THEMIS: variants seen among roughly 807,000 people sequenced by gnomAD.
THEMIS encodes thymocyte selection associated.
A neutral mutation model predicts 52.6 loss-of-function variants in THEMIS; 37 were observed. The ratio of observed to expected loss-of-function variants is 0.70; its 90% CI spans 0.54 to 0.93. THEMIS has a LOEUF of 0.93. THEMIS is among the 40% of genes least tolerant of loss of function. The probability of loss-of-function intolerance (pLI) is 0.00; values close to 1 mark genes in which losing one functional copy is unlikely to be tolerated. For missense variants in THEMIS, 808 were observed against 763.1 expected (o/e 1.06, Z -0.69); for synonymous variants, 292 against 272.7 (o/e 1.07, Z -0.70).
chr6:127,734,032 C>G (rs1381626078), intron 4 of THEMIS, among the ~76,000 whole-genome samples: 1 of 151,800 alleles, frequency 6.6e-6, no homozygotes, highest in Non-Finnish European at 1.5e-5. Context: ...CACTTGTGTC[C>G]GTAGGAATAC....
At chr6:127,918,157 C>G (rs1212385959) in intron 1 of THEMIS, among the ~76,000 whole-genome samples, 1 of 152,174 alleles carries the variant, frequency 6.6e-6, no homozygotes, top group East Asian at 1.9e-4. Context: ...ACACTGAAGG[C>G]TCCAAGGCAC....
downstream of THEMIS, among the ~76,000 whole-genome samples, chr6:127,705,480 G>T (rs1773787916): frequency 6.6e-6 from 1 of 152,086 alleles, no homozygotes; most frequent in South Asian, 2.1e-4. Context: ...ATGGTGTTTG[G>T]CCCTCTCCCT....
chr6:127,735,095 A>G (rs1427462333), intron 4 of THEMIS, among the ~76,000 whole-genome samples: 3 of 151,640 alleles, frequency 2.0e-5, no homozygotes, highest in Non-Finnish European at 2.9e-5. Context: ...TTAGATCTAT[A>G]GTCTCAGCAG....
chr6:127,702,587 G>A, the THEMIS span, among the ~76,000 whole-genome samples: 1 of 149,066 alleles, frequency 6.7e-6, no homozygotes, highest in Middle Eastern at 3.6e-3. Flanking sequence ...TACCATCTCA[G>A]CAACTTTCTC....
intron 3 of THEMIS, among the ~76,000 whole-genome samples, chr6:127,815,070 G>C (rs2114613158): frequency 6.6e-6 from 1 of 152,212 alleles, no homozygotes; most frequent in Non-Finnish European, 1.5e-5. Context: ...AAGATCGCTT[G>C]AGCCTGAGAA....
chr6:127,726,986 A>G (rs770194507), intron 4 of THEMIS, among the ~76,000 whole-genome samples: 1 of 152,198 alleles, frequency 6.6e-6, no homozygotes, highest in Non-Finnish European at 1.5e-5. Context: ...AAGGAGATAA[A>G]AATTCCTTCT....
intron 4 of THEMIS, among the ~76,000 whole-genome samples, chr6:127,785,201 TACCTACC>T (rs1186370951): frequency 2.7e-5 from 4 of 147,094 alleles, no homozygotes; most frequent in Non-Finnish European, 1.5e-5. Flanking sequence ...ATTATCTACC[TACCTACC>T]TATTATCTAT....
chr6:127,860,093 G>A (rs1467134053), intron 1 of THEMIS, among the ~76,000 whole-genome samples: 1 of 152,024 alleles, frequency 6.6e-6, no homozygotes, highest in Non-Finnish European at 1.5e-5. Flanking sequence ...CTAGATAGGC[G>A]ACCACAGGAA....
intron 1 of THEMIS, among the ~76,000 whole-genome samples, chr6:127,893,088 G>C (rs1780860544): frequency 6.6e-6 from 1 of 151,790 alleles, no homozygotes; most frequent in South Asian, 2.1e-4. Context: ...GGTTTTTTTG[G>C]AATAAGGAAG....
intron 4 of THEMIS, among the ~76,000 whole-genome samples, chr6:127,777,766 ATTTG>A (rs1327646667): frequency 1.3e-5 from 2 of 152,116 alleles, no homozygotes; most frequent in Non-Finnish European, 2.9e-5. Context: ...AAGAGTGGTT[ATTTG>A]TTTATTATTT....
intron 1 of THEMIS, among the ~76,000 whole-genome samples, chr6:127,875,401 C>A (rs763382341): frequency 3.9e-5 from 6 of 152,148 alleles, no homozygotes; most frequent in Admixed American, 1.3e-4. Flanking sequence ...ATGTAGAAAC[C>A]CCCAAACTGC....
intron 2 of THEMIS, among the ~76,000 whole-genome samples, chr6:127,837,390 T>C (rs9482842): frequency 0.4 from 61,262 of 151,796 alleles, 12,723 homozygotes; most frequent in African/African-American, 0.45. Flanking sequence ...ATTAACACTG[T>C]TGTTGAGTAC....
At chr6:127,912,014 T>C (rs960070226) in intron 1 of THEMIS, among the ~76,000 whole-genome samples, 2 of 152,158 alleles carry the variant, frequency 1.3e-5, no homozygotes, top group African/African-American at 2.4e-5. Context: ...CCTTGGGTTA[T>C]GGGTTTGCAG....
intron 2 of THEMIS, among the ~76,000 whole-genome samples, chr6:127,853,075 T>G (rs2114286850): frequency 6.6e-6 from 1 of 151,768 alleles, no homozygotes; most frequent in Non-Finnish European, 1.5e-5. Context: ...TACTAAATAT[T>G]TATTATGTGC....
chr6:127,860,712 G>A (rs1779771085), intron 1 of THEMIS, among the ~76,000 whole-genome samples: 1 of 152,020 alleles, frequency 6.6e-6, no homozygotes, highest in South Asian at 2.1e-4. Flanking sequence ...GATTAAATAA[G>A]TACTAGGACC....
chr6:127,832,316 C>G (rs767566592), intron 2 of THEMIS, among the ~76,000 whole-genome samples: 87 of 152,134 alleles, frequency 5.7e-4, no homozygotes, highest in Non-Finnish European at 7.9e-4. Flanking sequence ...CTGTGCTTTT[C>G]CTTAAAAGAT....
intron 2 of THEMIS, among the ~76,000 whole-genome samples, chr6:127,840,625 T>C (rs1032499333): frequency 3.3e-5 from 5 of 152,106 alleles, no homozygotes; most frequent in Admixed American, 6.6e-5. Context: ...CTCGGGTTCT[T>C]TATCTTCACA....
At chr6:127,717,932 A>G (rs1774228484) in intron 5 of THEMIS, among the ~76,000 whole-genome samples, 2 of 151,740 alleles carry the variant, frequency 1.3e-5, no homozygotes, top group African/African-American at 2.4e-5. Context: ...GAAAGAGGAG[A>G]AAGCTCAGAA....
At chr6:127,800,666 C>A (rs1269847780) in intron 4 of THEMIS, among the ~76,000 whole-genome samples, 1 of 152,196 alleles carries the variant, frequency 6.6e-6, no homozygotes, top group Non-Finnish European at 1.5e-5. Flanking sequence ...CACCCTTAAT[C>A]TGAGTGGACA....
Sources: allele counts gnomAD v4.1 joint callset (sites outside exome capture counted in the v4.1 genomes callset), GRCh38; gene constraint gnomAD v4.1.1; transcripts MANE v1.5; gene names NCBI Gene and HGNC (gene_info 2026-07-23, HGNC 2026-07-21).